The following CHODL variants were observed in gnomAD, a reference collection of about 807,000 sequenced individuals.
CHODL encodes the protein chondrolectin.
In CHODL, 29 loss-of-function variants were observed where a neutral mutation model predicts 34.5. That is an observed-to-expected ratio of 0.84 (90% CI 0.63 to 1.15). The LOEUF (loss-of-function observed/expected upper bound fraction) is 1.15, where lower values mean the gene tolerates loss of function less well. Among genes scored for constraint, CHODL ranks in the 50% most tolerant of loss-of-function variants. The pLI is 0.00. For synonymous variants in CHODL, 125 were observed against 116.1 expected (o/e 1.08, Z -0.49); for missense variants, 332 against 332.5 (o/e 1.00, Z 0.01).
At chr21:17,971,181 C>T (rs767399555) in intron 1 of CHODL, among the ~76,000 whole-genome samples, 5 of 152,172 alleles carry the variant, frequency 3.3e-5, no homozygotes, top group Non-Finnish European at 7.3e-5. Context: ...ATGAACAGTG[C>T]TGCAATAAAC....
intron 2 of CHODL, among the ~76,000 whole-genome samples, chr21:18,237,833 T>C (rs1190308680): frequency 6.6e-6 from 1 of 152,144 alleles, no homozygotes; most frequent in Non-Finnish European, 1.5e-5. Context: ...TTATTTACAG[T>C]AGGTGAAGAA....
chr21:17,936,387 G>A (rs2063319277), intron 1 of CHODL, among the ~76,000 whole-genome samples: 1 of 151,810 alleles, frequency 6.6e-6, no homozygotes, highest in Non-Finnish European at 1.5e-5. Flanking sequence ...AAACAAGTGT[G>A]GAAGGTAGAT....
intron 1 of CHODL, among the ~76,000 whole-genome samples, chr21:17,977,116 A>T (rs2063669655): frequency 6.6e-6 from 1 of 152,096 alleles, no homozygotes; most frequent in Non-Finnish European, 1.5e-5. Flanking sequence ...TATTTATGGA[A>T]CCATTCATGA....
At chr21:18,253,984 C>T (rs1167245633) in intron 1 of CHODL, among the ~76,000 whole-genome samples, 2 of 152,132 alleles carry the variant, frequency 1.3e-5, no homozygotes, top group Admixed American at 1.3e-4. Context: ...CACTCAAACA[C>T]TGTTGAGAAG....
chr21:17,967,892 C>T (rs1267926068), intron 1 of CHODL, among the ~76,000 whole-genome samples: 1 of 152,124 alleles, frequency 6.6e-6, no homozygotes, highest in Non-Finnish European at 1.5e-5. Context: ...AGGACCAATG[C>T]CTACCTTGTT....
chr21:18,014,240 A>G (rs773476644), intron 1 of CHODL, among the ~76,000 whole-genome samples: 22 of 152,200 alleles, frequency 1.4e-4, no homozygotes, highest in Middle Eastern at 3.2e-3. Context: ...GTGCCCATCA[A>G]TGGTGGAATG....
Position 18,252,296 on chromosome 21 carries a change from C to A in CHODL, c.80-4213C>A, listed in dbSNP as rs552425865. ...ATAAAATGTTGATGGAAGATTTTAT[C>A]TGAACATAACATTTGAAAATAAGAG... On this transcript the variant is annotated intron_variant, in intron 1 of 5. Coordinates refer to ENST00000299295, the MANE Select transcript of CHODL (RefSeq NM_024944.3). Among the ~76,000 whole-genome samples the A allele has an allele frequency of 1.2e-3, 180 of 152,220 alleles. 1 individual carries two copies. The highest frequency in any genetic ancestry group is 4.1e-3 in the African/African-American group (171 of 41,550).
At chr21:18,201,085 TA>T (rs1160189786) in intron 2 of CHODL, among the ~76,000 whole-genome samples, 4 of 151,892 alleles carry the variant, frequency 2.6e-5, no homozygotes, top group Non-Finnish European at 5.9e-5. Flanking sequence ...GCAGTCGTAC[TA>T]AAAAAAATAG....
intron 1 of CHODL, among the ~76,000 whole-genome samples, chr21:17,984,093 T>C (rs975311574): frequency 1.3e-5 from 2 of 152,202 alleles, no homozygotes; most frequent in African/African-American, 4.8e-5. Context: ...TTTCTCCCTC[T>C]CCACAGCTCT....
chr21:18,008,503 A>G (rs1479043281), intron 1 of CHODL, among the ~76,000 whole-genome samples: 1 of 151,364 alleles, frequency 6.6e-6, no homozygotes, highest in African/African-American at 2.4e-5. Flanking sequence ...ACAACTCTCC[A>G]TTTCCCCTTC....
At chr21:17,978,743 A>AG (rs1183867848) in intron 1 of CHODL, among the ~76,000 whole-genome samples, 1 of 149,852 alleles carries the variant, frequency 6.7e-6, no homozygotes, top group Non-Finnish European at 1.5e-5. Flanking sequence ...GAAAAAAAAA[A>AG]AAACAAACAA....
chr21:18,187,543 A>T (rs1216563629), intron 2 of CHODL, among the ~76,000 whole-genome samples: 1 of 152,120 alleles, frequency 6.6e-6, no homozygotes, highest in African/African-American at 2.4e-5. Context: ...TTCTTCTTCC[A>T]TCCACTTAGA....
intron 2 of CHODL, among the ~76,000 whole-genome samples, chr21:18,136,719 CATATAT>C (rs147280660): frequency 0.056 from 6,586 of 118,588 alleles, 259 homozygotes; most frequent in African/African-American, 0.11. Context: ...TAAATCAAAG[CATATAT>C]ATATATATAT....
intron 2 of CHODL, among the ~76,000 whole-genome samples, chr21:18,214,015 A>G (rs2073799373): frequency 1.3e-5 from 2 of 152,198 alleles, no homozygotes; most frequent in East Asian, 3.9e-4. Context: ...TATGTGGGGA[A>G]CAATGCCAAG....
At chr21:18,136,767 TAC>T (rs796570462) in intron 2 of CHODL, among the ~76,000 whole-genome samples, 1 of 142,978 alleles carries the variant, frequency 7.0e-6, no homozygotes, top group African/African-American at 2.5e-5. Context: ...TACACATACA[TAC>T]ACACACATAT....
rs1380945579 is a variant in CHODL at position 18,188,832 on chromosome 21, C to T, written c.-44-67677C>T. ...TGCAAGGAATGGGGAATAGGCATGC[C>T]GTAGTAAACGATGTGCGTGTTCAGA... On this transcript the variant is annotated intron_variant, in intron 2 of 6. Coordinates refer to the CHODL transcript ENST00000400127. 5.9e-5 allele frequency among the ~76,000 whole-genome samples: 9 copies of T among 152,144 alleles called. No homozygotes were observed. The East Asian group carries it at 1.4e-3, about 23-fold the overall frequency.
At chr21:17,973,663 G>T (rs1031443734) in intron 1 of CHODL, among the ~76,000 whole-genome samples, 1 of 150,646 alleles carries the variant, frequency 6.6e-6, no homozygotes, top group Non-Finnish European at 1.5e-5. Flanking sequence ...CTCGTGATCC[G>T]CCCACCTCAG....
chr21:18,036,608 C>G (rs2064314114), intron 2 of CHODL, among the ~76,000 whole-genome samples: 1 of 151,994 alleles, frequency 6.6e-6, no homozygotes, highest in Non-Finnish European at 1.5e-5. Context: ...TTCTCTTTAT[C>G]AGAAATCAGT....
chr21:17,932,873 CT>C (rs1333205192), intron 1 of CHODL, among the ~76,000 whole-genome samples: 4 of 151,996 alleles, frequency 2.6e-5, no homozygotes, highest in South Asian at 2.1e-4. Context: ...CCGCTGGCCT[CT>C]TGAGTTCCCT....
Sources: allele counts gnomAD v4.1 joint callset (sites outside exome capture counted in the v4.1 genomes callset), GRCh38; gene constraint gnomAD v4.1.1; transcripts MANE v1.5; gene names NCBI Gene and HGNC (gene_info 2026-07-23, HGNC 2026-07-21).